MSI2: variants seen among roughly 807,000 people sequenced by gnomAD.
MSI2 encodes the protein musashi RNA binding protein 2, also known as RNA-binding protein Musashi homolog 2.
In MSI2, 17 loss-of-function variants were observed where a neutral mutation model predicts 45.6. The observed-to-expected ratio is 0.37, with a 90% confidence interval of 0.26 to 0.56. The LOEUF is 0.56. MSI2 is among the 20% of genes least tolerant of loss of function. The pLI is 0.77. For synonymous variants in MSI2, 156 were observed against 158.2 expected, an observed-to-expected ratio of 0.99 and a Z score of 0.11; for missense variants, 293 against 444.2, an observed-to-expected ratio of 0.66 and a Z score of 3.06.
chr17:57,615,976 T>A lies in MSI2; in HGVS notation c.544T>A (p.Cys182Ser). Residue 182 changes from cysteine to serine, a missense_variant, in exon 9 of 14, where the codon TGT becomes AGT. Cys to Ser is a moderately radical substitution (Grantham distance 112). Transcript: ENST00000284073. Reference protein sequence around the residue: ...FHEINNKMVECKKAQPKEVMF... With the variant: ...FHEINNKMVESKKAQPKEVMF... ...TCGCCTTTCTGTTTAACAGGTAGAA[T>A]GTAAGAAAGCTCAGCCGAAAGAAGT... 6.2e-7 allele frequency: 1 copy of A among 1,613,512 alleles called. No individual in the cohort carries two copies.
intron 5 of MSI2, 107 bp downstream of exon 5, chr17:57,262,299 G>A (rs1431002737): frequency 1.4e-5 from 17 of 1,212,014 alleles, no homozygotes; most frequent in Non-Finnish European, 1.9e-5. Flanking sequence ...GGTATTCACT[G>A]TTCCTTCGGG....
At chr17:57,592,528 G>A (rs983705989) in intron 7 of MSI2, among the ~76,000 whole-genome samples, 1 of 152,114 alleles carries the variant, frequency 6.6e-6, no homozygotes, top group South Asian at 2.1e-4. Context: ...TTCTCTGCTC[G>A]GGCCAAACAG....
At chr17:57,511,290 C>T (rs565290454) in intron 6 of MSI2, among the ~76,000 whole-genome samples, 137 of 152,262 alleles carry the variant, frequency 9.0e-4, no homozygotes, top group African/African-American at 3.1e-3. Flanking sequence ...CAAAGGAAGG[C>T]GCATTAATAA....
At chr17:57,405,798 G>A (rs567346505) in intron 6 of MSI2, among the ~76,000 whole-genome samples, 14 of 152,132 alleles carry the variant, frequency 9.2e-5, no homozygotes, top group South Asian at 2.1e-4. Flanking sequence ...TTTACTGTGC[G>A]CTGTTTCTGA....
chr17:57,262,097 TA>T, intron 4 of MSI2, 53 bp from the exon 5 acceptor site: 3 of 1,558,316 alleles, frequency 1.9e-6, no homozygotes. Context: ...ATTAATCATA[TA>T]TTTTTTCCTT....
At chr17:57,530,818 C>T (rs1684193648) in intron 7 of MSI2, among the ~76,000 whole-genome samples, 1 of 152,084 alleles carries the variant, frequency 6.6e-6, no homozygotes, top group African/African-American at 2.4e-5. Context: ...GGAATCATTG[C>T]TGGCGGGGCT....
chr17:57,551,187 T>C lies in MSI2; in HGVS notation c.454+21463T>C, dbSNP rs147138491. Among the ~76,000 whole-genome samples, 27 of 152,250 alleles carry C rather than the reference T, an allele frequency of 1.8e-4. No individual in the cohort carries two copies. The East Asian group carries it at 5.2e-3, about 29-fold the overall frequency. On this transcript the variant is annotated intron_variant, in intron 7 of 13. Transcript: ENST00000284073. ...AACTGGGAGGGAATCAAAGTCCCCT[T>C]ATTTCAGTGCCGGGAGGTAAATGGA...
chr17:57,589,144 A>C (rs902384618), intron 7 of MSI2, among the ~76,000 whole-genome samples: 1 of 152,152 alleles, frequency 6.6e-6, no homozygotes, highest in Admixed American at 6.5e-5. Context: ...ATGTAAAAGC[A>C]CACACAGCCT....
intron 5 of MSI2, among the ~76,000 whole-genome samples, chr17:57,323,557 C>G (rs1243635371): frequency 6.6e-6 from 1 of 152,250 alleles, no homozygotes; most frequent in Non-Finnish European, 1.5e-5. Flanking sequence ...ACAGGTGCTC[C>G]TGCGTCCCTG....
chr17:57,570,127 C>T (rs547457066), intron 7 of MSI2, among the ~76,000 whole-genome samples: 3 of 152,244 alleles, frequency 2.0e-5, no homozygotes, highest in South Asian at 4.2e-4. Flanking sequence ...GTGGAAATGC[C>T]GATGACATAG....
At chr17:57,354,539 G>T (rs537688504) in intron 5 of MSI2, among the ~76,000 whole-genome samples, 2 of 152,282 alleles carry the variant, frequency 1.3e-5, no homozygotes, top group Admixed American at 1.3e-4. Flanking sequence ...GTCTCTCTGG[G>T]AGGTGATATT....
intron 7 of MSI2, among the ~76,000 whole-genome samples, chr17:57,563,265 C>T (rs1426924099): frequency 2.0e-5 from 3 of 152,146 alleles, no homozygotes; most frequent in Non-Finnish European, 2.9e-5. Context: ...ACCCCATCCA[C>T]GTGGACCATT....
At chr17:57,539,714 T>C (rs1383249970) in intron 7 of MSI2, among the ~76,000 whole-genome samples, 1 of 141,380 alleles carries the variant, frequency 7.1e-6, no homozygotes, top group Non-Finnish European at 1.5e-5. Flanking sequence ...AACGTGCTAT[T>C]ATTAGAATAG....
chr17:57,285,463 G>T (rs971131840), intron 5 of MSI2, among the ~76,000 whole-genome samples: 4 of 152,240 alleles, frequency 2.6e-5, no homozygotes, highest in African/African-American at 9.6e-5. Context: ...ACGGTGAACC[G>T]CATTGTCTCA....
At chr17:57,589,150 A>T (rs1904589174) in intron 7 of MSI2, among the ~76,000 whole-genome samples, 1 of 152,178 alleles carries the variant, frequency 6.6e-6, no homozygotes, top group Admixed American at 6.5e-5. Flanking sequence ...AAGCACACAC[A>T]GCCTGATCAT....
chr17:57,510,239 C>T (rs1202135305), intron 6 of MSI2, among the ~76,000 whole-genome samples: 1 of 151,962 alleles, frequency 6.6e-6, no homozygotes, highest in East Asian at 1.9e-4. Context: ...GGGAGGGTGC[C>T]TGGGCCCCTG....
intron 12 of MSI2, 37 bp from the exon 13 acceptor site, chr17:57,676,950 T>G (rs1212352651): frequency 7.7e-7 from 1 of 1,299,670 alleles, no homozygotes; most frequent in South Asian, 1.2e-5. Context: ...TTCCCATGTA[T>G]AGCACACTGA....
At chr17:57,566,686 G>A (rs2087741166) in intron 7 of MSI2, among the ~76,000 whole-genome samples, 1 of 152,224 alleles carries the variant, frequency 6.6e-6, no homozygotes, top group Admixed American at 6.5e-5. Flanking sequence ...TTGAGGATTT[G>A]GCTCATCTCA....
intron 6 of MSI2, among the ~76,000 whole-genome samples, chr17:57,478,544 T>C (rs1216103350): frequency 6.6e-6 from 1 of 152,186 alleles, no homozygotes; most frequent in Non-Finnish European, 1.5e-5. Flanking sequence ...CCAAGTGACA[T>C]AGACAGATTA....
Sources: gnomAD v4.1 joint callset for allele counts (sites outside exome capture counted in the v4.1 genomes callset) on GRCh38, gnomAD v4.1.1 for gene constraint, MANE v1.5 for transcripts, NCBI Gene and HGNC (gene_info 2026-07-23, HGNC 2026-07-21) for gene names.